The following IGF2BP3 variants were observed in gnomAD, a reference collection of about 807,000 sequenced individuals.
IGF2BP3 encodes insulin like growth factor 2 mRNA binding protein 3.
In IGF2BP3, 9 loss-of-function variants were observed where a neutral mutation model predicts 73.8. The ratio of observed to expected loss-of-function variants is 0.12; its 90% confidence interval spans 0.07 to 0.21. The LOEUF is 0.21. Ranked by LOEUF, IGF2BP3 falls within the 10% of genes least tolerant of loss-of-function variation. The pLI, the probability that IGF2BP3 is intolerant of heterozygous loss-of-function variation, is 1.00. For missense variants in IGF2BP3, 542 were observed against 714.0 expected (o/e 0.76, Z 2.75); for synonymous variants, 258 against 256.7 (o/e 1.01, Z -0.05).
chr7:23,400,476 G>GTACT (rs1583994176), intron 3 of IGF2BP3, among the ~76,000 whole-genome samples: 1 of 152,042 alleles, frequency 6.6e-6, no homozygotes, highest in South Asian at 2.1e-4. Context: ...GGCAGCCTAA[G>GTACT]TACTGTCTGC....
chr7:23,380,949 T>C (rs1468514240), intron 3 of IGF2BP3, among the ~76,000 whole-genome samples: 3 of 152,202 alleles, frequency 2.0e-5, no homozygotes, highest in East Asian at 3.8e-4. Context: ...CCCTGATAAA[T>C]TAATACACCT....
chr7:23,461,558 G>C (rs897363966), intron 2 of IGF2BP3, among the ~76,000 whole-genome samples: 14 of 152,074 alleles, frequency 9.2e-5, no homozygotes, highest in African/African-American at 2.7e-4. Flanking sequence ...AAAAAATCTT[G>C]CAATTCTTCA....
chr7:23,393,757 C>T (rs1351578526), intron 3 of IGF2BP3, among the ~76,000 whole-genome samples: 2 of 152,174 alleles, frequency 1.3e-5, no homozygotes, highest in Non-Finnish European at 2.9e-5. Flanking sequence ...ATTTTGCATG[C>T]CAACTGCAAA....
chr7:23,324,333 A>C (rs1395984986), intron 10 of IGF2BP3, among the ~76,000 whole-genome samples: 149 of 151,970 alleles, frequency 9.8e-4, no homozygotes, highest in East Asian at 2.1e-3. Flanking sequence ...GAAATGGATA[A>C]ATTCCTCGAC....
intron 8 of IGF2BP3, among the ~76,000 whole-genome samples, chr7:23,345,700 G>T (rs1020031449): frequency 2.6e-5 from 4 of 152,252 alleles, no homozygotes; most frequent in Non-Finnish European, 4.4e-5. Context: ...ATAAAACATA[G>T]TTAAGACTGC....
intron 2 of IGF2BP3, among the ~76,000 whole-genome samples, chr7:23,451,992 C>CTT (rs796497374): frequency 5.6e-5 from 8 of 142,074 alleles, no homozygotes; most frequent in African/African-American, 1.8e-4. Flanking sequence ...TTCTTTTTTC[C>CTT]TTTTTTTTTT....
intron 2 of IGF2BP3, among the ~76,000 whole-genome samples, chr7:23,425,916 T>C (rs925173780): frequency 6.6e-6 from 1 of 151,048 alleles, no homozygotes. Context: ...CAGTGAGTGG[T>C]GGTGGTACCA....
intron 10 of IGF2BP3, among the ~76,000 whole-genome samples, chr7:23,325,542 T>C (rs900201380): frequency 2.6e-5 from 4 of 152,184 alleles, no homozygotes; most frequent in African/African-American, 7.2e-5. Context: ...AAGCTACCAA[T>C]GACTTTCTTC....
At chr7:23,408,706 C>T (rs867796284) in intron 3 of IGF2BP3, among the ~76,000 whole-genome samples, 1 of 152,134 alleles carries the variant, frequency 6.6e-6, no homozygotes, top group African/African-American at 2.4e-5. Flanking sequence ...CTTCTAGGTA[C>T]ATACCCAAAA....
Position 23,325,885 on chromosome 7 carries a change from C to G in IGF2BP3, c.1204-6631G>C, listed in dbSNP as rs574882578. Among the ~76,000 whole-genome samples, 373 of 152,268 alleles carry G rather than the reference C, an allele frequency of 2.4e-3. 3 individuals are homozygous for G. Among genetic ancestry groups the G allele is most frequent in the African/African-American group, 8.5e-3 (354 of 41,542 alleles). On this transcript the variant is annotated intron_variant, in intron 10 of 14. Coordinates refer to ENST00000258729, the MANE Select transcript of IGF2BP3 (RefSeq NM_006547.3). ...AAACTGGCTAGCCATATGTAGAAAG[C>G]TGAAACTGGATCCCTTCCTTACACC... is the stretch of plus-strand genomic sequence containing the variant.
chr7:23,464,003 T>G lies in IGF2BP3; in HGVS notation c.236+4479A>C, dbSNP rs575730000. Among the ~76,000 whole-genome samples the G allele has an allele frequency of 2.0e-5, 3 of 152,296 alleles. No individual in the cohort carries two copies. In the South Asian group the frequency reaches 6.2e-4, roughly 32 times the overall value. On this transcript the variant is annotated intron_variant, in intron 2 of 14. Transcript: ENST00000258729. The stretch of plus-strand genomic sequence containing the variant: ...TGCATGTGTGAGAAACTTTCCCGAA[T>G]CGCAAGATTCACCTAAGCCATACAC...
At chr7:23,406,447 G>A (rs1786834052) in intron 3 of IGF2BP3, among the ~76,000 whole-genome samples, 2 of 152,188 alleles carry the variant, frequency 1.3e-5, no homozygotes, top group Admixed American at 1.3e-4. Context: ...AGTTCTTAAA[G>A]ATGGTGTGTC....
intron 3 of IGF2BP3, among the ~76,000 whole-genome samples, chr7:23,380,415 G>C (rs141094011): frequency 6.6e-6 from 1 of 151,836 alleles, no homozygotes; most frequent in African/African-American, 2.4e-5. Context: ...CATCCGCTTC[G>C]GCCTCCCAAA....
chr7:23,311,567 CATTTG>C lies in IGF2BP3; in HGVS notation c.*790_*794del, dbSNP rs1354596424. ...CTAGGCACTGCTCCGTATTTTTGAA[CATTTG>C]ATTTAACTAATAACTGTGTCAAAAG... On this transcript the variant is annotated 3_prime_UTR_variant, in exon 15 of 15. Coordinates refer to ENST00000258729, the MANE Select transcript of IGF2BP3 (RefSeq NM_006547.3). 2.6e-5 allele frequency: 4 copies of C among 152,292 alleles called. No homozygotes were observed. Among genetic ancestry groups the C allele is most frequent in the African/African-American group, 4.8e-5 (2 of 41,430 alleles). The allele number at this position is 152,292 out of a possible 1,614,324, so 9.4% of individuals were successfully genotyped here.
At chr7:23,409,769 A>G (rs536917989) in intron 3 of IGF2BP3, among the ~76,000 whole-genome samples, 54 of 152,360 alleles carry the variant, frequency 3.5e-4, no homozygotes, top group African/African-American at 1.2e-3. Context: ...CAATAGGAGA[A>G]AACCTTCATA....
chr7:23,334,914 G>T (rs1376998724), intron 10 of IGF2BP3, among the ~76,000 whole-genome samples: 1 of 152,038 alleles, frequency 6.6e-6, no homozygotes, highest in Non-Finnish European at 1.5e-5. Flanking sequence ...AACATGATCA[G>T]CCTCCAGGTA....
At chr7:23,421,366 A>AC (rs70954368) in intron 2 of IGF2BP3, among the ~76,000 whole-genome samples, 76,596 of 151,946 alleles carry the variant, frequency 0.5, 20,301 homozygotes, top group Non-Finnish European at 0.6. Flanking sequence ...TATAATTCAT[A>AC]GATTTCACAA....
intron 10 of IGF2BP3, among the ~76,000 whole-genome samples, chr7:23,331,930 C>A (rs1402762638): frequency 6.6e-6 from 1 of 150,608 alleles, no homozygotes; most frequent in Non-Finnish European, 1.5e-5. Flanking sequence ...AAAAAACTTA[C>A]AATCGTGGCG....
chr7:23,431,006 G>C (rs1024190448), intron 2 of IGF2BP3, among the ~76,000 whole-genome samples: 2 of 152,136 alleles, frequency 1.3e-5, no homozygotes, highest in African/African-American at 4.8e-5. Context: ...ACTGAAAAAA[G>C]TGCATCACTA....
Sources: gnomAD v4.1 joint callset for allele counts (sites outside exome capture counted in the v4.1 genomes callset) on GRCh38, gnomAD v4.1.1 for gene constraint, MANE v1.5 for transcripts, NCBI Gene and HGNC (gene_info 2026-07-23, HGNC 2026-07-21) for gene names.